FBXW7: variants seen among roughly 807,000 people sequenced by gnomAD.
FBXW7 encodes F-box/WD repeat-containing protein 7.
In FBXW7, 11 loss-of-function variants were observed where a neutral mutation model predicts 86.3. That is an observed-to-expected ratio of 0.13 (90% confidence interval 0.08 to 0.21). The LOEUF (loss-of-function observed/expected upper bound fraction) is 0.21. Among genes scored for constraint, FBXW7 ranks in the 10% least tolerant of loss-of-function variants. The pLI is 1.00. For synonymous variants in FBXW7, 313 were observed against 297.9 expected (o/e 1.05, Z -0.52); for missense variants, 488 against 847.4 (o/e 0.58, Z 5.27).
At chr4:152,474,718 T>G (rs967155100) in intron 2 of FBXW7, among the ~76,000 whole-genome samples, 1 of 151,988 alleles carries the variant, frequency 6.6e-6, no homozygotes, top group African/African-American at 2.4e-5. Flanking sequence ...CAGGCTGGAG[T>G]GCAATAGTAT....
intron 4 of FBXW7, among the ~76,000 whole-genome samples, chr4:152,392,558 T>A (rs1444263738): frequency 6.6e-6 from 1 of 152,116 alleles, no homozygotes; most frequent in Non-Finnish European, 1.5e-5. Flanking sequence ...CACCCAGAGT[T>A]AACAATGGCC....
intron 2 of FBXW7, among the ~76,000 whole-genome samples, chr4:152,531,871 A>T (rs551462285): frequency 5.8e-5 from 8 of 138,202 alleles, no homozygotes; most frequent in South Asian, 2.2e-4. Context: ...TACCCTATTT[A>T]AAAAAAAAAA....
chr4:152,371,698 G>A (rs1734019923), intron 4 of FBXW7, among the ~76,000 whole-genome samples: 1 of 151,968 alleles, frequency 6.6e-6, no homozygotes, highest in Non-Finnish European at 1.5e-5. Flanking sequence ...TGCCTTGGAG[G>A]ACTTCTCAGG....
intron 2 of FBXW7, among the ~76,000 whole-genome samples, chr4:152,523,061 A>G (rs1749167352): frequency 6.6e-6 from 1 of 152,276 alleles, no homozygotes; most frequent in South Asian, 2.1e-4. Flanking sequence ...TCAATTCAAG[A>G]TAAATTAACA....
chr4:152,462,880 G>C (rs1251544349), intron 2 of FBXW7, among the ~76,000 whole-genome samples: 1 of 148,188 alleles, frequency 6.7e-6, no homozygotes, highest in East Asian at 2.0e-4. Flanking sequence ...TACCTCATCA[G>C]ACAAGAATTT....
chr4:152,372,214 G>A (rs185474457), intron 4 of FBXW7, among the ~76,000 whole-genome samples: 17 of 152,012 alleles, frequency 1.1e-4, no homozygotes, highest in Non-Finnish European at 1.9e-4. Flanking sequence ...ATCTATATAT[G>A]TATGTTTTAA....
At chr4:152,323,441 G>A (rs1728724638) in intron 13 of FBXW7, 5 of 431,446 alleles carry the variant, frequency 1.2e-5, no homozygotes, top group Non-Finnish European at 2.1e-5. Flanking sequence ...GCATTCCTTG[G>A]TGAGGATGTA....
intron 4 of FBXW7, among the ~76,000 whole-genome samples, chr4:152,362,828 C>CAAAAAAAAAAAAAA (rs35796895): frequency 1.3e-5 from 1 of 79,144 alleles, no homozygotes; most frequent in Non-Finnish European, 2.2e-5. Context: ...CTCTCTCTCT[C>CAAAAAAAAAAAAAA]AAAAAAAAAA....
chr4:152,390,854 G>GTT (rs141001520), intron 4 of FBXW7, among the ~76,000 whole-genome samples: 12 of 151,722 alleles, frequency 7.9e-5, no homozygotes, highest in Admixed American at 5.9e-4. Flanking sequence ...GTAATTGTGT[G>GTT]TTTTTTTGCT....
At chr4:152,454,509 A>G (rs1469580726) in intron 2 of FBXW7, among the ~76,000 whole-genome samples, 2 of 152,162 alleles carry the variant, frequency 1.3e-5, no homozygotes, top group Non-Finnish European at 2.9e-5. Flanking sequence ...TTCTAACTTC[A>G]GAGAAGTACT....
chr4:152,481,604 G>A (rs568206338), intron 2 of FBXW7, among the ~76,000 whole-genome samples: 12 of 152,254 alleles, frequency 7.9e-5, no homozygotes, highest in Middle Eastern at 6.8e-3. Flanking sequence ...TCATCAATCT[G>A]GACGCCTTCA....
chr4:152,527,025 A>G (rs1224467550), intron 2 of FBXW7, among the ~76,000 whole-genome samples: 1 of 152,226 alleles, frequency 6.6e-6, no homozygotes, highest in Non-Finnish European at 1.5e-5. Context: ...TCTATCTACA[A>G]CACACTTTAA....
chr4:152,454,172 C>A (rs1033477408), intron 2 of FBXW7, among the ~76,000 whole-genome samples: 2 of 151,620 alleles, frequency 1.3e-5, no homozygotes, highest in African/African-American at 4.9e-5. Flanking sequence ...TTGATCTAAA[C>A]AGAATCCAAA....
chr4:152,457,280 A>T (rs772800038), intron 2 of FBXW7, among the ~76,000 whole-genome samples: 6 of 152,142 alleles, frequency 3.9e-5, no homozygotes, highest in Non-Finnish European at 7.3e-5. Context: ...TATTCACTGG[A>T]TATATACATT....
In FBXW7 at chr4:152,536,029, G is replaced by A; in HGVS notation, c.-1115C>T. The A allele has an allele frequency of 4.6e-6, 1 of 218,286 alleles. No individual in the cohort carries two copies. The highest frequency in any genetic ancestry group is 9.0e-6 in the Non-Finnish European group (1 of 111,398). The allele number at this position is 218,286 out of a possible 1,614,324, so 13.5% of individuals were successfully genotyped here. A position where few individuals can be genotyped will look rare whatever the true frequency, so the allele number is the denominator to read the frequency against. On this transcript the variant is annotated 5_prime_UTR_variant, in exon 1 of 14. Coordinates refer to ENST00000281708, the MANE Select transcript of FBXW7 (RefSeq NM_001349798.2). ...GGCGGCGGCGGCAGCGGCAGCGGCA[G>A]CGCCCGGAGCTCAGCTCGCTGTCTC... is the stretch of plus-strand genomic sequence containing the variant.
At chr4:152,525,404 A>C (rs1749417377) in intron 2 of FBXW7, among the ~76,000 whole-genome samples, 3 of 152,168 alleles carry the variant, frequency 2.0e-5, no homozygotes, top group African/African-American at 7.2e-5. Flanking sequence ...TTATTTCAAC[A>C]ACCAGGTATT....
rs577964457 is a variant in FBXW7 at position 152,524,229 on chromosome 4, C to T, written c.-120+10712G>A. Among the ~76,000 whole-genome samples, 4 of 152,248 alleles carry T rather than the reference C, an allele frequency of 2.6e-5. 1 individual carries two copies. In the East Asian group the frequency reaches 7.7e-4, roughly 29 times the overall value. ...AACACACATGGAATAAATAACTTGC[C>T]TGAAATCACAAAGCAGCAGAGCTGG... is the stretch of plus-strand genomic sequence containing the variant. On this transcript the variant is annotated intron_variant, in intron 2 of 13. Coordinates refer to ENST00000281708, the MANE Select transcript of FBXW7 (RefSeq NM_001349798.2).
At chr4:152,368,960 A>T (rs1352252155) in intron 4 of FBXW7, among the ~76,000 whole-genome samples, 4 of 152,082 alleles carry the variant, frequency 2.6e-5, no homozygotes, top group African/African-American at 4.8e-5. Flanking sequence ...GTAGAACCAA[A>T]TCACATTAAC....
intron 11 of FBXW7, among the ~76,000 whole-genome samples, chr4:152,327,208 C>T (rs1258764224): frequency 6.6e-6 from 1 of 152,016 alleles, no homozygotes; most frequent in African/African-American, 2.4e-5. Flanking sequence ...AACTGGAATA[C>T]AAGGTCTCTT....
Sources: gnomAD v4.1 joint callset for allele counts (sites outside exome capture counted in the v4.1 genomes callset) on GRCh38, gnomAD v4.1.1 for gene constraint, MANE v1.5 for transcripts, NCBI Gene and HGNC (gene_info 2026-07-23, HGNC 2026-07-21) for gene names.